PAK1: variants seen among roughly 807,000 people sequenced by gnomAD.
PAK1 encodes serine/threonine-protein kinase PAK 1.
In PAK1, 29 loss-of-function variants were observed where a neutral mutation model predicts 67.4. That is an observed-to-expected ratio of 0.43 (90% CI 0.32 to 0.59). PAK1 has a LOEUF of 0.59. Among genes scored for constraint, PAK1 ranks in the 20% least tolerant of loss-of-function variants. The probability of loss-of-function intolerance (pLI) is 0.07; values close to 1 mark genes in which losing one functional copy is unlikely to be tolerated. For missense variants in PAK1, 337 were observed against 670.7 expected, an observed-to-expected ratio of 0.50 and a Z score of 5.50; for synonymous variants, 223 against 237.4, an observed-to-expected ratio of 0.94 and a Z score of 0.56.
At chr11:77,458,783 A>T (rs11828786) in intron 1 of PAK1, among the ~76,000 whole-genome samples, 1 of 152,178 alleles carries the variant, frequency 6.6e-6, no homozygotes, top group African/African-American at 2.4e-5. Context: ...CGAAAATTCA[A>T]GAAAGTTTGA....
intron 1 of PAK1, among the ~76,000 whole-genome samples, chr11:77,451,725 G>A (rs997739505): frequency 5.3e-5 from 8 of 150,146 alleles, no homozygotes; most frequent in Admixed American, 1.3e-4. Context: ...TCAGCCTCCC[G>A]AGTAGCTGGG....
At chr11:77,446,565 T>C (rs1051131370) in intron 1 of PAK1, among the ~76,000 whole-genome samples, 2 of 144,928 alleles carry the variant, frequency 1.4e-5, no homozygotes, top group Non-Finnish European at 3.0e-5. Flanking sequence ...ATATAGTTAA[T>C]AGATGATGGA....
At chr11:77,364,436 CA>C (rs1947226028) in intron 5 of PAK1, among the ~76,000 whole-genome samples, 1 of 152,122 alleles carries the variant, frequency 6.6e-6, no homozygotes, top group Admixed American at 6.6e-5. Context: ...AAAACAACAA[CA>C]ACAAAACCAC....
At chr11:77,497,326 AC>A in the PAK1 span, among the ~76,000 whole-genome samples, 1 of 152,248 alleles carries the variant, frequency 6.6e-6, no homozygotes, top group Non-Finnish European at 1.5e-5. Context: ...AATAATTTTT[AC>A]ATTCATCTGT....
At chr11:77,417,443 A>T (rs1445482949) in intron 1 of PAK1, among the ~76,000 whole-genome samples, 1 of 152,212 alleles carries the variant, frequency 6.6e-6, no homozygotes, top group Non-Finnish European at 1.5e-5. Context: ...GTAAAAAGAT[A>T]AGTGGCGGCC....
the PAK1 span, among the ~76,000 whole-genome samples, chr11:77,495,277 C>T: frequency 6.6e-6 from 1 of 151,844 alleles, no homozygotes; most frequent in Non-Finnish European, 1.5e-5. Flanking sequence ...AGTTCGAGAC[C>T]AGCCTGGCCA....
chr11:77,514,961 T>A, the PAK1 span: 1 of 152,138 alleles, frequency 6.6e-6, no homozygotes, highest in Non-Finnish European at 1.5e-5. Context: ...TTGAGCTGGA[T>A]CCTGGAGGAT....
the PAK1 span, among the ~76,000 whole-genome samples, chr11:77,518,159 C>G: frequency 6.6e-6 from 1 of 152,080 alleles, no homozygotes; most frequent in African/African-American, 2.4e-5. Flanking sequence ...GTCTAAATTC[C>G]TTGGTATTCA....
intron 1 of PAK1, among the ~76,000 whole-genome samples, chr11:77,461,532 T>C (rs780076468): frequency 2.5e-4 from 38 of 152,226 alleles, no homozygotes; most frequent in Admixed American, 7.2e-4. Flanking sequence ...GGGTAAATTA[T>C]GGAACATCAT....
the PAK1 span, among the ~76,000 whole-genome samples, chr11:77,487,984 G>C: frequency 6.6e-6 from 1 of 152,192 alleles, no homozygotes; most frequent in African/African-American, 2.4e-5. Context: ...GTTATGTACT[G>C]GCTTTAGGTC....
At chr11:77,501,150 CAAAAAAA>C in the PAK1 span, among the ~76,000 whole-genome samples, 4 of 105,512 alleles carry the variant, frequency 3.8e-5, no homozygotes, top group African/African-American at 9.3e-5. Context: ...GACTCCGTCT[CAAAAAAA>C]AAAACAAAAA....
chr11:77,382,842 G>A (rs576997), intron 2 of PAK1, among the ~76,000 whole-genome samples: 106,385 of 151,974 alleles, frequency 0.7, 38,067 homozygotes, highest in African/African-American at 0.85. Context: ...TACTAAAAAT[G>A]CAAAAATTAG....
At chr11:77,393,731 G>A (rs7105662) in intron 1 of PAK1, among the ~76,000 whole-genome samples, 10,459 of 152,228 alleles carry the variant, frequency 0.069, 819 homozygotes, top group East Asian at 0.24. Context: ...GGACAAGCGC[G>A]GTGGCTCATG....
At chr11:77,523,493 C>T in the PAK1 span, among the ~76,000 whole-genome samples, 1 of 151,064 alleles carries the variant, frequency 6.6e-6, no homozygotes, top group Admixed American at 6.6e-5. Flanking sequence ...GATCTCAGCT[C>T]ACCACAACCT....
At chr11:77,482,597 C>CT in the PAK1 span, among the ~76,000 whole-genome samples, 270 of 137,420 alleles carry the variant, frequency 2.0e-3, 1 homozygote, top group Admixed American at 1.8e-3. Context: ...CTCTTTTTTT[C>CT]TTTTTTTTTT....
intron 2 of PAK1, among the ~76,000 whole-genome samples, chr11:77,384,876 G>T (rs1220301814): frequency 6.6e-6 from 1 of 152,048 alleles, no homozygotes; most frequent in Non-Finnish European, 1.5e-5. Context: ...TTTTAAGATG[G>T]TGACTTGTAT....
At position 77,472,616 on chromosome 11, in the gene PAK1, A is replaced by G. The variant is rs6592722; in HGVS notation, c.-22+936T>C. ...AGTAGATGAAGCCACAGGGTAAGAG[A>G]GATGAGGTATCTGTACTGATAATTC... On this transcript the variant is annotated intron_variant, in intron 1 of 14. Transcript: ENST00000356341. Among the ~76,000 whole-genome samples the G allele has an allele frequency of 3.1e-3, 476 of 152,312 alleles. 2 individuals are homozygous for G. The highest frequency in any genetic ancestry group is 0.011 in the African/African-American group (456 of 41,570).
intron 1 of PAK1, among the ~76,000 whole-genome samples, chr11:77,440,095 G>A (rs1383546127): frequency 6.6e-6 from 1 of 152,220 alleles, no homozygotes; most frequent in Non-Finnish European, 1.5e-5. Context: ...TCTGAGCCAA[G>A]TGTAAAATGT....
intron 8 of PAK1, 109 bp downstream of exon 8, chr11:77,353,427 G>A: frequency 1.3e-6 from 1 of 749,820 alleles, no homozygotes; most frequent in Non-Finnish European, 2.4e-6. Flanking sequence ...GGGGTAAAGT[G>A]GAGAAAGAAG....
Sources: allele counts gnomAD v4.1 joint callset (sites outside exome capture counted in the v4.1 genomes callset), GRCh38; gene constraint gnomAD v4.1.1; transcripts MANE v1.5; gene names NCBI Gene and HGNC (gene_info 2026-07-23, HGNC 2026-07-21).